RIN3: variants seen among roughly 807,000 people sequenced by gnomAD.
RIN3 encodes the protein RAB5 interacting protein 3.
In RIN3, 54 loss-of-function variants were observed where a neutral mutation model predicts 76.3. That is an observed-to-expected ratio of 0.71 (90% CI 0.57 to 0.89). The LOEUF is 0.89. Among genes scored for constraint, RIN3 ranks in the 40% least tolerant of loss-of-function variants. The probability of loss-of-function intolerance (pLI) is 0.00; values close to 1 mark genes in which losing one functional copy is unlikely to be tolerated. For missense variants in RIN3, 1,256 were observed against 1,322.1 expected (o/e 0.95, Z 0.78); for synonymous variants, 576 against 564.0 (o/e 1.02, Z -0.30).
At chr14:92,567,806 A>G (rs1467517135) in intron 2 of RIN3, among the ~76,000 whole-genome samples, 1 of 152,154 alleles carries the variant, frequency 6.6e-6, no homozygotes, top group Non-Finnish European at 1.5e-5. Flanking sequence ...AGCTGCAAGC[A>G]TAGTAATAAT....
chr14:92,652,468 C>T lies in RIN3; in HGVS notation c.1419C>T (p.Thr473=), dbSNP rs1887495332. 1 of 1,614,144 alleles carries T rather than the reference C, an allele frequency of 6.2e-7. No homozygotes were observed. Among genetic ancestry groups the T allele is most frequent in the Non-Finnish European group, 8.5e-7 (1 of 1,180,028 alleles). Residue 473 remains threonine (T), a synonymous_variant, in exon 6 of 10, where the codon ACC becomes ACT. Coordinates refer to ENST00000216487, the MANE Select transcript of RIN3 (RefSeq NM_024832.5). This position sits in a 1 kb window ranked among gnomAD's most constrained non-coding sequence, Gnocchi z 6.4. ...GGATCTCTCGACAACTGGCCTCGAC[C>T]CTCCCAGCTCCCTTAGAGAACGCTG... ...KKRISRQLAS[T]LPAPLENAEL...
At chr14:92,642,475 C>T (rs1281145126) in intron 5 of RIN3, among the ~76,000 whole-genome samples, 1 of 152,172 alleles carries the variant, frequency 6.6e-6, no homozygotes. Flanking sequence ...AGCCTCATAA[C>T]CTGGGGCCGC....
chr14:92,584,207 A>G (rs905286197), intron 3 of RIN3, among the ~76,000 whole-genome samples: 6 of 152,184 alleles, frequency 3.9e-5, no homozygotes, highest in Non-Finnish European at 8.8e-5. Context: ...GGACAATTGT[A>G]TTTCTCACTC....
At chr14:92,534,587 CA>C (rs5810601) in intron 1 of RIN3, among the ~76,000 whole-genome samples, 22 of 134,408 alleles carry the variant, frequency 1.6e-4, no homozygotes, top group East Asian at 4.3e-4. Flanking sequence ...GACTCCATCT[CA>C]AAAAAAAAAA....
At chr14:92,615,567 A>G (rs1885926782) in intron 4 of RIN3, 88 bp downstream of exon 4, 1 of 1,122,502 alleles carries the variant, frequency 8.9e-7, no homozygotes, top group Admixed American at 1.7e-5. Flanking sequence ...TTCACAGGGA[A>G]GCCCCAGAGG....
chr14:92,575,652 G>A (rs1224196245), intron 2 of RIN3, among the ~76,000 whole-genome samples: 1 of 152,048 alleles, frequency 6.6e-6, no homozygotes, highest in Non-Finnish European at 1.5e-5. Context: ...GGCGCTGGTG[G>A]GAGTGTCTTT....
In RIN3 at chr14:92,648,056, C is replaced by T. The variant is rs1017903575; in HGVS notation, c.533-3526C>T. On this transcript the variant is annotated intron_variant, in intron 5 of 9. Transcript: ENST00000216487. The surrounding 1 kb of genome is among the most constrained non-coding windows in gnomAD (Gnocchi z 4.1). ...GGTTCTGTTTCTCCCCTGGCCTTGG[C>T]GTTCTCAGGCTGCAGAGAAAGTTAC... Among the ~76,000 whole-genome samples, 1 of 150,734 alleles carries T rather than the reference C, an allele frequency of 6.6e-6. No individual in the cohort carries two copies. Among genetic ancestry groups the T allele is most frequent in the Non-Finnish European group, 1.5e-5 (1 of 67,878 alleles).
At chr14:92,523,436 T>C (rs906842377) in intron 1 of RIN3, among the ~76,000 whole-genome samples, 1 of 152,200 alleles carries the variant, frequency 6.6e-6, no homozygotes, top group Non-Finnish European at 1.5e-5. Flanking sequence ...TAATTTCTTA[T>C]TTTAGATTTT....
At chr14:92,667,287 C>A (rs996692042) in intron 7 of RIN3, among the ~76,000 whole-genome samples, 28 of 152,150 alleles carry the variant, frequency 1.8e-4, no homozygotes, top group Non-Finnish European at 2.9e-4. Context: ...CCAAGGCGGG[C>A]GGATCATGAG....
chr14:92,528,330 G>A (rs1896800255), intron 1 of RIN3, among the ~76,000 whole-genome samples: 1 of 152,216 alleles, frequency 6.6e-6, no homozygotes, highest in Non-Finnish European at 1.5e-5. Context: ...AGTACGGTGT[G>A]GTGGTCAGGG....
intron 7 of RIN3, among the ~76,000 whole-genome samples, chr14:92,659,878 C>T (rs1260358053): frequency 1.3e-5 from 2 of 152,224 alleles, no homozygotes; most frequent in Admixed American, 6.5e-5. Flanking sequence ...CCTCTAAAGA[C>T]ACCAGGGAAG....
At chr14:92,572,224 A>C (rs1210688595) in intron 2 of RIN3, among the ~76,000 whole-genome samples, 2 of 152,180 alleles carry the variant, frequency 1.3e-5, no homozygotes, top group African/African-American at 4.8e-5. Flanking sequence ...CTGCATGCGC[A>C]GTGGTCCGCC....
intron 1 of RIN3, among the ~76,000 whole-genome samples, chr14:92,555,234 G>A (rs185076487): frequency 1.3e-4 from 20 of 152,324 alleles, no homozygotes; most frequent in East Asian, 3.9e-4. Context: ...AATGCCACTC[G>A]TTTTCCTGAA....
chr14:92,535,087 C>T (rs1029334311), intron 1 of RIN3, among the ~76,000 whole-genome samples: 1 of 152,186 alleles, frequency 6.6e-6, no homozygotes, highest in Admixed American at 6.5e-5. Context: ...GATGGGCTCT[C>T]ACTGTTCAAT....
At chr14:92,592,642 GTATTATTATTATTATTATTATTATTAT>G (rs143659950) in intron 3 of RIN3, among the ~76,000 whole-genome samples, 6 of 134,648 alleles carry the variant, frequency 4.5e-5, no homozygotes, top group African/African-American at 1.7e-4. Context: ...TTTAAATTTT[GTATTATTATTATTATTATTATTATTAT>G]TATTATTATT....
intron 4 of RIN3, among the ~76,000 whole-genome samples, chr14:92,616,671 T>C (rs1885981422): frequency 6.6e-6 from 1 of 152,158 alleles, no homozygotes. Context: ...CTGCTCTGTA[T>C]AGTGGAGGCA....
intron 1 of RIN3, among the ~76,000 whole-genome samples, chr14:92,519,502 G>A (rs1336110963): frequency 6.6e-6 from 1 of 152,186 alleles, no homozygotes; most frequent in East Asian, 1.9e-4. Context: ...TGTGGGAGCT[G>A]TGGAGGTGCT....
At chr14:92,636,039 G>A (rs749180794) in intron 4 of RIN3, among the ~76,000 whole-genome samples, 3 of 152,200 alleles carry the variant, frequency 2.0e-5, no homozygotes, top group African/African-American at 4.8e-5. Context: ...GTGGGATGGG[G>A]CAAGCCATTT....
intron 3 of RIN3, among the ~76,000 whole-genome samples, chr14:92,601,397 C>G (rs1885339401): frequency 6.6e-6 from 1 of 152,232 alleles, no homozygotes; most frequent in African/African-American, 2.4e-5. Flanking sequence ...CAGTGAGCTA[C>G]TGAGCTTCTC....
Sources: allele counts gnomAD v4.1 joint callset (sites outside exome capture counted in the v4.1 genomes callset), GRCh38; gene constraint gnomAD v4.1.1; non-coding constraint Gnocchi (gnomAD v3.1); transcripts MANE v1.5; gene names NCBI Gene and HGNC (gene_info 2026-07-23, HGNC 2026-07-21).